FAM186A: variants seen among roughly 807,000 people sequenced by gnomAD.
The protein encoded by FAM186A is family with sequence similarity 186 member A.
Under a neutral mutation model 216.8 loss-of-function variants are expected in FAM186A, and 163 were observed. That is an observed-to-expected ratio of 0.75 (90% CI 0.66 to 0.86). The LOEUF (loss-of-function observed/expected upper bound fraction) is 0.86, where lower values mean the gene tolerates loss of function less well. Ranked by LOEUF, FAM186A falls within the 40% of genes least tolerant of loss-of-function variation. The pLI is 0.00. For synonymous variants in FAM186A, 805 were observed against 1,025.3 expected (o/e 0.79, Z 4.10); for missense variants, 2,184 against 2,746.2 (o/e 0.80, Z 4.58).
chr12:50,330,581 G>T lies in FAM186A; in HGVS notation c.7026C>A (p.Leu2342=). The change falls in exon 7 of 8, where the codon CTC becomes CTA. Residue 2342 remains leucine (L), a synonymous_variant. Transcript: ENST00000327337. The part of the protein sequence containing the change: ...QSTFRKSLAS[L]QSRVKKIPK ...TCCAGTCCATAACTTACCGTGATTG[G>T]AGGGATGCAAGAGATTTTCGGAAGG... 7 of 1,550,638 alleles carry T rather than the reference G, an allele frequency of 4.5e-6. No homozygotes were observed. Among genetic ancestry groups the T allele is most frequent in the Non-Finnish European group, 6.1e-6 (7 of 1,146,588 alleles).
chr12:50,333,425 G>A (rs181563311), intron 5 of FAM186A, among the ~76,000 whole-genome samples: 5 of 152,044 alleles, frequency 3.3e-5, no homozygotes, highest in Admixed American at 6.6e-5. Flanking sequence ...CCATCTACTC[G>A]GGAGGCTGAA....
chr12:50,351,744 G>A lies in FAM186A; in HGVS notation c.5088C>T (p.Ala1696=). ...GGGTGAGGGGCGATCCCAAGGTATGGGCTTTATCTAAGGTGAGAGGAACCC... is the reference window on the plus strand; with the variant it reads ...GGGTGAGGGGCGATCCCAAGGTATGAGCTTTATCTAAGGTGAGAGGAACCC... The part of the protein sequence containing the change: ...KLGVPLTLDK[A]HTLGSPLTLK... The change falls in exon 4 of 8, where the codon GCC becomes GCT. Residue 1696 remains alanine, a synonymous_variant. Transcript: ENST00000327337. The A allele has an allele frequency of 6.4e-7, 1 of 1,551,422 alleles. No individual in the cohort carries two copies. Among genetic ancestry groups the A allele is most frequent in the Non-Finnish European group, 8.7e-7 (1 of 1,146,822 alleles).
rs143881210 is a variant in FAM186A at position 50,357,234 on chromosome 12, C to T, written c.584-986G>A. Among the ~76,000 whole-genome samples the T allele has an allele frequency of 2.6e-5, 4 of 151,924 alleles. No individual in the cohort carries two copies. In the South Asian group the frequency reaches 6.2e-4, roughly 24 times the overall value. On this transcript the variant is annotated intron_variant, in intron 3 of 7. Coordinates refer to ENST00000327337, the MANE Select transcript of FAM186A (RefSeq NM_001145475.3). ...TAAAAAAGACACACATTTGGCCAGG[C>T]GCAATGGCTCATGCCTGTAATCCCA...
At chr12:50,376,335 G>A (rs1592628370) in intron 1 of FAM186A, among the ~76,000 whole-genome samples, 1 of 152,308 alleles carries the variant, frequency 6.6e-6, no homozygotes, top group Admixed American at 6.5e-5. Flanking sequence ...GGTGAGCAAG[G>A]TGGAGAGGAG....
chr12:50,346,201 A>AAGAG lies in FAM186A; in HGVS notation c.6503+4124_6503+4127dup, dbSNP rs71083536. 9.7e-3 allele frequency among the ~76,000 whole-genome samples: 741 copies of AAGAG among 76,664 alleles called. 15 individuals are homozygous for AAGAG. Among genetic ancestry groups the AAGAG allele is most frequent in the African/African-American group, 0.021 (494 of 23,156 alleles). 50.3% of individuals were successfully genotyped at this position (76,664 alleles called of 152,430 possible). A position where few individuals can be genotyped will look rare whatever the true frequency, so the allele number is the denominator to read the frequency against. ...AAAGAAGAAAGGAAAGAAAGAAAGA[A>AAGAG]AGAGAGAGAGAGAGAGAAGGAAAGA... On this transcript the variant is annotated intron_variant, in intron 4 of 7. Transcript: ENST00000327337.
chr12:50,360,817 C>T lies in FAM186A; in HGVS notation c.522G>A (p.Lys174=), dbSNP rs1253557813. ...DTLKAIENNV[K]ILSRFSTSFL... The stretch of plus-strand genomic sequence containing the variant: ...AAGATGTACTAAATCTGCTTAGTAT[C>T]TTGACATTGTTCTCAATAGCTTTTA... The change falls in exon 3 of 8, where the codon AAG becomes AAA. Residue 174 remains lysine, a synonymous_variant. Coordinates refer to ENST00000327337, the MANE Select transcript of FAM186A (RefSeq NM_001145475.3). The T allele has an allele frequency of 6.5e-7, 1 of 1,550,202 alleles. No individual in the cohort carries two copies. Among genetic ancestry groups the T allele is most frequent in the Non-Finnish European group, 8.7e-7 (1 of 1,146,458 alleles).
intron 4 of FAM186A, among the ~76,000 whole-genome samples, chr12:50,342,405 A>G (rs1942772202): frequency 6.6e-6 from 1 of 152,008 alleles, no homozygotes; most frequent in African/African-American, 2.4e-5. Context: ...ATGGTTTAAT[A>G]TAATTATATT....
chr12:50,386,589 C>T (rs565222090), intron 1 of FAM186A, among the ~76,000 whole-genome samples: 2 of 151,088 alleles, frequency 1.3e-5, no homozygotes, highest in African/African-American at 4.9e-5. Flanking sequence ...ACATTTTGGC[C>T]GGGCTCATGC....
At chr12:50,367,713 AAAC>A (rs1943104109) in intron 1 of FAM186A, among the ~76,000 whole-genome samples, 1 of 147,752 alleles carries the variant, frequency 6.8e-6, no homozygotes, top group African/African-American at 2.6e-5. Context: ...ACACACACAC[AAAC>A]ACACTATTAG....
intron 1 of FAM186A, among the ~76,000 whole-genome samples, chr12:50,376,799 G>A (rs992759191): frequency 6.6e-6 from 1 of 151,000 alleles, no homozygotes; most frequent in African/African-American, 2.4e-5. Flanking sequence ...GGAGTTCAGT[G>A]ATGCAGTCAC....
chr12:50,351,683 T>C lies in FAM186A; in HGVS notation c.5149A>G (p.Lys1717Glu). 6.4e-7 allele frequency: 1 copy of C among 1,551,596 alleles called. No individual in the cohort carries two copies. Among genetic ancestry groups the C allele is most frequent in the Non-Finnish European group, 8.7e-7 (1 of 1,146,898 alleles). Residue 1717 changes from lysine (K) to glutamate (E), a missense_variant, in exon 4 of 8, where the codon AAA becomes GAA. This residue lies in a region of FAM186A where 721 missense variants were observed against 816.4 expected (regional missense o/e 0.88). Coordinates refer to ENST00000327337, the MANE Select transcript of FAM186A (RefSeq NM_001145475.3). ...QVQWSHRPFQKSKASLPTGQS... is the reference protein window; with the variant it reads ...QVQWSHRPFQESKASLPTGQS... ...CCAGTGGGGAGAGAAGCCTTCGATT[T>C]CTGAAATGGTCTATGGGACCACTGG...
intron 1 of FAM186A, among the ~76,000 whole-genome samples, chr12:50,365,083 T>C (rs1229344733): frequency 6.7e-6 from 1 of 149,658 alleles, no homozygotes; most frequent in Non-Finnish European, 1.5e-5. Flanking sequence ...TTTTGCCCAA[T>C]TTAATGATAC....
chr12:50,340,729 C>T (rs1319931269), intron 4 of FAM186A, among the ~76,000 whole-genome samples: 2 of 150,860 alleles, frequency 1.3e-5, no homozygotes, highest in African/African-American at 4.9e-5. Flanking sequence ...GAGAGCACAA[C>T]ATCTAGTACT....
intron 1 of FAM186A, among the ~76,000 whole-genome samples, chr12:50,391,367 G>A (rs1943355545): frequency 1.3e-5 from 2 of 151,358 alleles, no homozygotes; most frequent in African/African-American, 4.9e-5. Flanking sequence ...CCAGGCTGGA[G>A]TGCAGTGGCG....
intron 2 of FAM186A, among the ~76,000 whole-genome samples, chr12:50,362,253 G>T (rs10783353): frequency 0.64 from 96,835 of 151,756 alleles, 31,472 homozygotes; most frequent in East Asian, 0.74. Context: ...GATTACAGGC[G>T]TGAGCCACCG....
At chr12:50,366,104 C>T (rs1482568895) in intron 1 of FAM186A, 13 of 655,522 alleles carry the variant, frequency 2.0e-5, no homozygotes, top group Non-Finnish European at 2.7e-5. Context: ...ATCTTATATA[C>T]GAGCTTTGAT....
intron 4 of FAM186A, among the ~76,000 whole-genome samples, chr12:50,345,569 C>T (rs1942803771): frequency 6.6e-6 from 1 of 152,124 alleles, no homozygotes; most frequent in Non-Finnish European, 1.5e-5. Flanking sequence ...TGCATATGGC[C>T]AGCCAGCTGT....
At position 50,352,283 on chromosome 12, in the gene FAM186A, TCCC is replaced by T; in HGVS notation, c.4546_4548del (p.Gly1516del). ...TGGGCCTGCTGAGGGGTGAGAGGGA[TCCC>T]CAATTCCTGAGCCTGCGGAGGGATG... On this transcript the variant is annotated inframe_deletion, in exon 4 of 8. Transcript: ENST00000327337. 1.4e-6 allele frequency: 2 copies of T among 1,439,766 alleles called. No individual in the cohort carries two copies. The highest frequency in any genetic ancestry group is 1.8e-6 in the Non-Finnish European group (2 of 1,095,076). 89.2% of individuals were successfully genotyped at this position (1,439,766 alleles called of 1,614,324 possible).
At chr12:50,386,143 A>T (rs1943300987) in intron 1 of FAM186A, among the ~76,000 whole-genome samples, 1 of 152,120 alleles carries the variant, frequency 6.6e-6, no homozygotes, top group South Asian at 2.1e-4. Context: ...AAGAAATGTG[A>T]GGTGGCCAGG....
Sources: gnomAD v4.1 joint callset for allele counts (sites outside exome capture counted in the v4.1 genomes callset) on GRCh38, gnomAD v4.1.1 for gene constraint, gnomAD v4.1.1 regional missense constraint, MANE v1.5 for transcripts, NCBI Gene and HGNC (gene_info 2026-07-23, HGNC 2026-07-21) for gene names.